Variants in PHF24 observed in about 807,000 individuals in gnomAD.
PHF24 encodes Galpha inhibitory interacting protein.
A neutral mutation model predicts 42.6 loss-of-function variants in PHF24; 25 were observed. That is an observed-to-expected ratio of 0.59 (90% confidence interval 0.43 to 0.82). The LOEUF (loss-of-function observed/expected upper bound fraction) is 0.82. Among genes scored for constraint, PHF24 ranks in the 40% least tolerant of loss-of-function variants. PHF24 has a pLI of 0.00. For missense variants in PHF24, 470 were observed against 538.1 expected, an observed-to-expected ratio of 0.87 and a Z score of 1.25; for synonymous variants, 185 against 204.8, an observed-to-expected ratio of 0.90 and a Z score of 0.83.
At chr9:34,919,188 A>G in the PHF24 span, among the ~76,000 whole-genome samples, 1 of 152,208 alleles carries the variant, frequency 6.6e-6, no homozygotes, top group Non-Finnish European at 1.5e-5. Flanking sequence ...ATTGATATGT[A>G]ATTGTACATA....
the PHF24 span, among the ~76,000 whole-genome samples, chr9:34,691,942 GA>G: frequency 1.3e-5 from 2 of 152,180 alleles, no homozygotes. Context: ...GACTGGCTTG[GA>G]ATAGCCCCCT....
chr9:34,755,974 C>CT, the PHF24 span, among the ~76,000 whole-genome samples: 3 of 152,240 alleles, frequency 2.0e-5, no homozygotes, highest in South Asian at 6.2e-4. Context: ...GTTGCCTGTG[C>CT]TTTTGAGGTC....
chr9:34,913,299 C>A, the PHF24 span, among the ~76,000 whole-genome samples: 1 of 152,100 alleles, frequency 6.6e-6, no homozygotes, highest in African/African-American at 2.4e-5. Flanking sequence ...GAGAATTACC[C>A]AAATTTAGTA....
At chr9:34,896,689 G>A in the PHF24 span, among the ~76,000 whole-genome samples, 1 of 151,640 alleles carries the variant, frequency 6.6e-6, no homozygotes, top group African/African-American at 2.4e-5. Context: ...GGCAGAGCAG[G>A]ATTTTTCCTC....
chr9:34,970,251 G>C (rs1280591140), intron 1 of PHF24, among the ~76,000 whole-genome samples: 1 of 152,178 alleles, frequency 6.6e-6, no homozygotes, highest in African/African-American at 2.4e-5. Context: ...GTCCAATGCT[G>C]TGCTCTGGTA....
the PHF24 span, among the ~76,000 whole-genome samples, chr9:34,746,637 G>A: frequency 6.6e-6 from 1 of 152,190 alleles, no homozygotes; most frequent in Admixed American, 6.5e-5. Context: ...ACAAGGAATG[G>A]ATGAAATCTG....
At chr9:34,955,437 G>A (rs1053755156), upstream of PHF24, among the ~76,000 whole-genome samples, 4 of 152,222 alleles carry the variant, frequency 2.6e-5, no homozygotes, top group Admixed American at 2.6e-4. Flanking sequence ...AGCACTTTGG[G>A]AAGTCGAGGC....
chr9:34,798,349 C>A, the PHF24 span, among the ~76,000 whole-genome samples: 1,774 of 152,254 alleles, frequency 0.012, 25 homozygotes, highest in African/African-American at 0.04. Context: ...GGAAGTTTTC[C>A]AGCCCTTGCC....
chr9:34,942,413 C>T, the PHF24 span, among the ~76,000 whole-genome samples: 1 of 152,182 alleles, frequency 6.6e-6, no homozygotes, highest in African/African-American at 2.4e-5. Flanking sequence ...CTAAAAATTT[C>T]ACTGAAGTTG....
the PHF24 span, among the ~76,000 whole-genome samples, chr9:34,759,639 A>G: frequency 3.3e-5 from 5 of 152,162 alleles, no homozygotes; most frequent in African/African-American, 1.2e-4. Flanking sequence ...GCTGCCCTCT[A>G]TGTGGCTGTA....
the PHF24 span, among the ~76,000 whole-genome samples, chr9:34,937,647 T>TAAAAA: frequency 3.0e-4 from 43 of 142,792 alleles, no homozygotes; most frequent in Admixed American, 7.6e-4. Flanking sequence ...ATGATCAATT[T>TAAAAA]AAAAAAAAAA....
chr9:34,895,568 T>A, the PHF24 span: 13 of 398,556 alleles, frequency 3.3e-5, no homozygotes, highest in Non-Finnish European at 5.3e-5. Context: ...ATGGTCATAG[T>A]GTTTCCCTAC....
chr9:34,743,108 G>A, the PHF24 span, among the ~76,000 whole-genome samples: 1 of 152,154 alleles, frequency 6.6e-6, no homozygotes, highest in African/African-American at 2.4e-5. Flanking sequence ...TCTCTCACTT[G>A]AACATTTTCC....
At chr9:34,709,826 T>C in the PHF24 span, 2 of 1,614,172 alleles carry the variant, frequency 1.2e-6, no homozygotes, top group Non-Finnish European at 1.7e-6. Context: ...TTCCGGTAGC[T>C]GCGGACAACC....
chr9:34,878,600 T>C, the PHF24 span, among the ~76,000 whole-genome samples: 1 of 152,174 alleles, frequency 6.6e-6, no homozygotes, highest in Non-Finnish European at 1.5e-5. Context: ...CCCACGCCCA[T>C]GGAGCCTCAC....
upstream of PHF24, chr9:34,958,170 C>T (rs1277567212): frequency 6.7e-6 from 1 of 148,478 alleles, no homozygotes; most frequent in Admixed American, 6.7e-5. This position sits in a 1 kb window ranked among gnomAD's most constrained non-coding sequence, Gnocchi z 4.5. Context: ...CAGGGCACCT[C>T]GCGCGGGTGC....
At chr9:34,977,117 G>A (rs370811568) in exon 6 of PHF24, 10 of 1,612,042 alleles carry the variant, frequency 6.2e-6, no homozygotes, top group Middle Eastern at 1.6e-4. Context: ...GTGAAGGAGC[G>A]GGAGCGAGCC....
At chr9:34,902,878 C>T in the PHF24 span, among the ~76,000 whole-genome samples, 14 of 152,250 alleles carry the variant, frequency 9.2e-5, no homozygotes, top group African/African-American at 2.9e-4. Flanking sequence ...GAAAAGTCCT[C>T]ATATAATAGG....
At chr9:34,912,057 G>A in the PHF24 span, among the ~76,000 whole-genome samples, 2 of 152,152 alleles carry the variant, frequency 1.3e-5, no homozygotes, top group South Asian at 2.1e-4. Flanking sequence ...AGTGTAGAGA[G>A]AATCCTTGGT....
Sources: gnomAD v4.1 joint callset for allele counts (sites outside exome capture counted in the v4.1 genomes callset) on GRCh38, gnomAD v4.1.1 for gene constraint, Gnocchi (gnomAD v3.1) non-coding constraint, MANE v1.5 for transcripts, NCBI Gene and HGNC (gene_info 2026-07-23, HGNC 2026-07-21) for gene names.